The following GABRA3 variants were observed in gnomAD, a reference collection of about 807,000 sequenced individuals.
The protein encoded by GABRA3 is gamma-aminobutyric acid receptor subunit alpha-3.
Under a neutral mutation model 30.1 loss-of-function variants are expected in GABRA3, and 10 were observed. That is an observed-to-expected ratio of 0.33 (90% CI 0.20 to 0.56). GABRA3 has a LOEUF of 0.56. Ranked by LOEUF, GABRA3 falls within the 20% of genes least tolerant of loss-of-function variation. The pLI, the probability that GABRA3 is intolerant of heterozygous loss-of-function variation, is 0.89. For missense variants in GABRA3, 233 were observed against 392.0 expected (o/e 0.59, Z 3.42); for synonymous variants, 151 against 146.8 (o/e 1.03, Z -0.21).
intron 1 of GABRA3, among the ~76,000 whole-genome samples, chrX:152,438,768 G>A (rs969714407): frequency 8.9e-5 from 10 of 111,990 alleles, no homozygotes; most frequent in Non-Finnish European, 1.7e-4. Flanking sequence ...TTTTGGAAAA[G>A]GCAAAACATT....
intron 1 of GABRA3, among the ~76,000 whole-genome samples, chrX:152,387,232 G>T (rs1262197422): frequency 9.2e-6 from 1 of 109,113 alleles, no homozygotes; most frequent in African/African-American, 3.4e-5. Flanking sequence ...CACCAGCATG[G>T]CACATGTGTA....
Position 152,374,127 on chromosome X carries a change from C to T in GABRA3, c.-26-9531G>A, listed in dbSNP as rs1434723015. On this transcript the variant is annotated intron_variant, in intron 1 of 9. Transcript: ENST00000370314. ...TCTTGTGAGGAGTGTCTGTTCATGT[C>T]CTTTGCCCACTTTTTAATGGGGTTT... 4.5e-5 allele frequency among the ~76,000 whole-genome samples: 5 copies of T among 109,987 alleles called. No individual in the cohort carries two copies. In the East Asian group the frequency reaches 1.4e-3, roughly 31 times the overall value.
At chrX:152,208,690 G>A (rs986992130) in intron 6 of GABRA3, among the ~76,000 whole-genome samples, 7 of 111,393 alleles carry the variant, frequency 6.3e-5, no homozygotes, top group African/African-American at 2.3e-4. Flanking sequence ...TGCTGTATTA[G>A]TTCACAGGCT....
intron 3 of GABRA3, among the ~76,000 whole-genome samples, chrX:152,324,510 C>T (rs1348414831): frequency 8.9e-6 from 1 of 111,831 alleles, no homozygotes; most frequent in Non-Finnish European, 1.9e-5. Context: ...CATTATGCTA[C>T]ATGGAAAAAT....
intron 6 of GABRA3, among the ~76,000 whole-genome samples, chrX:152,211,892 T>C (rs1158826355): frequency 9.0e-6 from 1 of 110,700 alleles, no homozygotes; most frequent in Non-Finnish European, 1.9e-5. Context: ...AAGAACAACA[T>C]AGCCAAGGCA....
At chrX:152,398,858 A>G (rs889801026) in intron 1 of GABRA3, among the ~76,000 whole-genome samples, 1 of 112,154 alleles carries the variant, frequency 8.9e-6, no homozygotes, top group Non-Finnish European at 1.9e-5. Context: ...AGGTGGTTAC[A>G]GTTAAGGAAC....
intron 5 of GABRA3, among the ~76,000 whole-genome samples, chrX:152,252,918 G>A (rs1938581043): frequency 9.0e-6 from 1 of 111,593 alleles, no homozygotes; most frequent in Non-Finnish European, 1.9e-5. Context: ...TCCTCTCTCA[G>A]AGCTGACACA....
At chrX:152,288,796 A>C (rs750806132) in intron 3 of GABRA3, among the ~76,000 whole-genome samples, 1 of 112,398 alleles carries the variant, frequency 8.9e-6, no homozygotes, top group African/African-American at 3.2e-5. Context: ...AATTAGTAGA[A>C]GATAAGAAGG....
chrX:152,280,513 A>AT (rs765447827), intron 4 of GABRA3, among the ~76,000 whole-genome samples: 31 of 109,922 alleles, frequency 2.8e-4, no homozygotes, highest in South Asian at 7.7e-4. Context: ...AATTAACACA[A>AT]TTTTTTTTTC....
chrX:152,392,366 C>T, intron 1 of GABRA3: 2 of 355,793 alleles, frequency 5.6e-6, no homozygotes, highest in East Asian at 1.6e-4. Context: ...AAGAAGGAGG[C>T]AAACACACTG....
chrX:152,422,259 C>T (rs1930391305), intron 1 of GABRA3, among the ~76,000 whole-genome samples: 1 of 111,218 alleles, frequency 9.0e-6, no homozygotes, highest in African/African-American at 3.3e-5. Context: ...GTGGATGAAT[C>T]TCAAAATCAT....
At chrX:152,387,499 A>G (rs1243382195) in intron 1 of GABRA3, among the ~76,000 whole-genome samples, 1 of 111,738 alleles carries the variant, frequency 8.9e-6, no homozygotes, top group African/African-American at 3.3e-5. Flanking sequence ...ACAATGTTAT[A>G]GCTGTTGACT....
intron 1 of GABRA3, among the ~76,000 whole-genome samples, chrX:152,386,232 A>G (rs1929306517): frequency 9.2e-6 from 1 of 108,885 alleles, no homozygotes; most frequent in South Asian, 4.1e-4. Flanking sequence ...TGAGCATGGA[A>G]TGTTCTTCCA....
chrX:152,299,140 T>C (rs978163154), intron 3 of GABRA3, among the ~76,000 whole-genome samples: 6 of 111,046 alleles, frequency 5.4e-5, no homozygotes, highest in African/African-American at 2.0e-4. Context: ...ATAAAAGATA[T>C]AGTTATTTTA....
rs72009096 is a variant in GABRA3, at chrX:152,182,312, T to TACAC, written c.1143+7414_1143+7417dup. ...TTGCCTGACGTGTTATATATATATA[T>TACAC]ACACACACACACACACACACACACA... On this transcript the variant is annotated intron_variant, in intron 9 of 9. Transcript: ENST00000370314. Among the ~76,000 whole-genome samples, 696 of 89,300 alleles carry TACAC rather than the reference T, an allele frequency of 7.8e-3. 3 individuals are homozygous for TACAC. Among genetic ancestry groups the TACAC allele is most frequent in the Non-Finnish European group, 0.011 (496 of 45,658 alleles). The allele number at this position is 89,300 out of a possible 115,157, so 77.5% of individuals were successfully genotyped here. A position where few individuals can be genotyped will look rare whatever the true frequency, so the allele number is the denominator to read the frequency against.
Position 152,238,126 on chromosome X carries a change from G to A in GABRA3, c.552-13281C>T, listed in dbSNP as rs1406163811. ...CCTATTCAGTATGATATTGGCTGTG[G>A]GTTTGTCATAGATAGCTCTTATTAT... On this transcript the variant is annotated intron_variant, in intron 5 of 9. Coordinates refer to ENST00000370314, the MANE Select transcript of GABRA3 (RefSeq NM_000808.4). Among the ~76,000 whole-genome samples, 3 of 106,778 alleles carry A rather than the reference G, an allele frequency of 2.8e-5. No homozygotes were observed. The East Asian group carries it at 9.3e-4, about 33-fold the overall frequency. 92.7% of individuals were successfully genotyped at this position (106,778 alleles called of 115,157 possible).
At chrX:152,329,036 G>A (rs1217290410) in intron 3 of GABRA3, among the ~76,000 whole-genome samples, 1 of 111,686 alleles carries the variant, frequency 9.0e-6, no homozygotes, top group African/African-American at 3.3e-5. Flanking sequence ...AACAATCACA[G>A]GCATTCCTAT....
At chrX:152,383,973 C>CA (rs34355005) in intron 1 of GABRA3, among the ~76,000 whole-genome samples, 18,281 of 72,917 alleles carry the variant, frequency 0.25, 2,145 homozygotes, top group Admixed American at 0.35. Flanking sequence ...GACTCCACCA[C>CA]AAAAAAAAAA....
chrX:152,194,949 G>A (rs951943531), intron 8 of GABRA3, among the ~76,000 whole-genome samples: 20 of 110,700 alleles, frequency 1.8e-4, no homozygotes, highest in African/African-American at 5.9e-4. Flanking sequence ...AATTTAAGAA[G>A]AGGTCTCCCT....
Sources: gnomAD v4.1 joint callset for allele counts (sites outside exome capture counted in the v4.1 genomes callset) on GRCh38, gnomAD v4.1.1 for gene constraint, MANE v1.5 for transcripts, NCBI Gene and HGNC (gene_info 2026-07-23, HGNC 2026-07-21) for gene names.